Variants in MGST1 observed in about 807,000 individuals in gnomAD.
MGST1 encodes microsomal glutathione S-transferase 1.
Under a neutral mutation model 8.9 loss-of-function variants are expected in MGST1, and 5 were observed. That is an observed-to-expected ratio of 0.56 (90% CI 0.29 to 1.19). MGST1 has a LOEUF of 1.19. Ranked by LOEUF, MGST1 falls within the 50% of genes most tolerant of loss-of-function variation. MGST1 has a pLI of 0.08. For missense variants in MGST1, 182 were observed against 187.4 expected (o/e 0.97, Z 0.17); for synonymous variants, 54 against 67.8 (o/e 0.80, Z 1.00).
At chr12:16,516,316 TG>T in intron 4 of MGST1, among the ~76,000 whole-genome samples, 1 of 152,338 alleles carries the variant, frequency 6.6e-6, no homozygotes, top group South Asian at 2.1e-4. Context: ...GAAAGTAATA[TG>T]GAGTCATTAT....
Position 16,513,990 on chromosome 12 carries a change from G to A in MGST1, n.483-75538G>A, listed in dbSNP as rs1204119760. The A allele has an allele frequency of 4.4e-6, 2 of 450,674 alleles. No individual in the cohort carries two copies. The highest frequency in any genetic ancestry group is 4.9e-5 in the East Asian group (1 of 20,494). 27.9% of individuals were successfully genotyped at this position (450,674 alleles called of 1,614,324 possible). On this transcript the variant is annotated intron_variant and non_coding_transcript_variant, in intron 4 of 4. Coordinates refer to the MGST1 transcript ENST00000538857. The surrounding 1 kb of genome is among the most constrained non-coding windows in gnomAD (Gnocchi z 4.2). ...TGGAGGACATTTCAAAAACACCAGA[G>A]CAAAGTCTTCTTCTTCTGCATGCTT...
chr12:16,358,104 G>A (rs918470029), intron 3 of MGST1, among the ~76,000 whole-genome samples: 6 of 152,148 alleles, frequency 3.9e-5, no homozygotes, highest in African/African-American at 1.2e-4. Context: ...CACTCTGGAG[G>A]AGTAGGAACC....
rs1555104768 is a variant in MGST1, at chr12:16,454,902, A to AAAAAAAAAAAAAAAAAAAG, written n.482+71300_482+71301insAAAAAAAAAAAAAAAAGAA. ...AAAAAAAAAAAAAAAAAAAAAAAAA[A>AAAAAAAAAAAAAAAAAAAG]AAGGAGATGGGAAGATTTGAGGAGA... is the stretch of plus-strand genomic sequence containing the variant. On this transcript the variant is annotated intron_variant and non_coding_transcript_variant, in intron 4 of 4. Coordinates refer to the MGST1 transcript ENST00000538857. 4.0e-5 allele frequency among the ~76,000 whole-genome samples: 5 copies of AAAAAAAAAAAAAAAAAAAG among 125,996 alleles called. 1 individual carries two copies. Among genetic ancestry groups the AAAAAAAAAAAAAAAAAAAG allele is most frequent in the African/African-American group, 1.3e-4 (4 of 30,900 alleles). 82.7% of individuals were successfully genotyped at this position (125,996 alleles called of 152,430 possible). A position where few individuals can be genotyped will look rare whatever the true frequency, so the allele number is the denominator to read the frequency against.
rs1473263131 is a variant in MGST1 at position 16,584,342 on chromosome 12, TCCTTAAAGGAGAGG to T, written n.483-5184_483-5171del. On this transcript the variant is annotated intron_variant and non_coding_transcript_variant, in intron 4 of 4. Coordinates refer to the MGST1 transcript ENST00000538857. This position sits in a 1 kb window ranked among gnomAD's most constrained non-coding sequence, Gnocchi z 5.2. Reference sequence around the variant, plus strand: ...GTTGACAGCTGAAAGAAAAGTTGCCTCCTTAAAGGAGAGGCAAGTTTCAGGTAAGGCAACAGATG... The same window carrying T: ...GTTGACAGCTGAAAGAAAAGTTGCCTCAAGTTTCAGGTAAGGCAACAGATG... 6.6e-6 allele frequency among the ~76,000 whole-genome samples: 1 copy of T among 152,104 alleles called. No individual in the cohort carries two copies. The highest frequency in any genetic ancestry group is 1.5e-5 in the Non-Finnish European group (1 of 68,028).
intron 4 of MGST1, among the ~76,000 whole-genome samples, chr12:16,496,912 A>G (rs564505732): frequency 1.3e-5 from 2 of 152,292 alleles, no homozygotes; most frequent in South Asian, 4.1e-4. Context: ...AAGAAGTCCT[A>G]TAAGACCTTT....
intron 1 of MGST1, among the ~76,000 whole-genome samples, chr12:16,435,691 C>T (rs541109347): frequency 6.6e-6 from 1 of 151,782 alleles, no homozygotes; most frequent in Non-Finnish European, 1.5e-5. Flanking sequence ...AGCTATAATT[C>T]TAAAAGTTGT....
intron 1 of MGST1, among the ~76,000 whole-genome samples, chr12:16,412,188 T>C (rs1008172957): frequency 6.6e-6 from 1 of 152,202 alleles, no homozygotes; most frequent in African/African-American, 2.4e-5. Flanking sequence ...GTCAGAAGAC[T>C]TAGATTTGAA....
chr12:16,542,729 C>T (rs1941800071), intron 4 of MGST1, among the ~76,000 whole-genome samples: 1 of 152,202 alleles, frequency 6.6e-6, no homozygotes, highest in Admixed American at 6.5e-5. Flanking sequence ...TCAACATCCT[C>T]TCTTGTCTCT....
rs1027976738 is a variant in MGST1 at position 16,513,102 on chromosome 12, A to C, written n.483-76426A>C. Among the ~76,000 whole-genome samples, 6 of 152,202 alleles carry C rather than the reference A, an allele frequency of 3.9e-5. No homozygotes were observed. The highest frequency in any genetic ancestry group is 1.4e-4 in the African/African-American group (6 of 41,444). Reference sequence around the variant, plus strand: ...TCTAGTTATCATTATCAAACAAATCATTCTTTCATGTGTATATATACAGAT... The same window carrying C: ...TCTAGTTATCATTATCAAACAAATCCTTCTTTCATGTGTATATATACAGAT... On this transcript the variant is annotated intron_variant and non_coding_transcript_variant, in intron 4 of 4. Coordinates refer to the MGST1 transcript ENST00000538857. This position sits in a 1 kb window ranked among gnomAD's most constrained non-coding sequence, Gnocchi z 4.2.
At chr12:16,561,136 C>T (rs1341947669) in intron 4 of MGST1, among the ~76,000 whole-genome samples, 1 of 151,926 alleles carries the variant, frequency 6.6e-6, no homozygotes, top group Non-Finnish European at 1.5e-5. Flanking sequence ...TATAGCTAGA[C>T]CAGAAATTGA....
chr12:16,459,329 A>C (rs2137122767), intron 4 of MGST1, among the ~76,000 whole-genome samples: 1 of 152,144 alleles, frequency 6.6e-6, no homozygotes, highest in Middle Eastern at 3.4e-3. Context: ...CCTCTAAATG[A>C]CCTACGGCAT....
chr12:16,507,297 G>A (rs1262098981), intron 4 of MGST1, among the ~76,000 whole-genome samples: 1 of 152,114 alleles, frequency 6.6e-6, no homozygotes, highest in Non-Finnish European at 1.5e-5. Context: ...TGGTGGGGTG[G>A]AGAAATGGGT....
At chr12:16,483,030 T>C (rs1941375354) in intron 4 of MGST1, among the ~76,000 whole-genome samples, 1 of 152,220 alleles carries the variant, frequency 6.6e-6, no homozygotes, top group Non-Finnish European at 1.5e-5. Flanking sequence ...GATAGCTACA[T>C]AGCTTATTTA....
chr12:16,551,166 C>CA (rs1941975891), intron 4 of MGST1: 10 of 1,131,802 alleles, frequency 8.8e-6, no homozygotes, highest in Non-Finnish European at 1.3e-5. Flanking sequence ...ACATGTGGAG[C>CA]AAAAAAGATA....
At chr12:16,545,008 A>G (rs1354178505) in intron 4 of MGST1, among the ~76,000 whole-genome samples, 1 of 152,108 alleles carries the variant, frequency 6.6e-6, no homozygotes, top group Non-Finnish European at 1.5e-5. Flanking sequence ...TCTTAGAAAG[A>G]TATAAAACAA....
At chr12:16,476,242 A>G (rs1941322357) in intron 4 of MGST1, among the ~76,000 whole-genome samples, 1 of 152,214 alleles carries the variant, frequency 6.6e-6, no homozygotes, top group South Asian at 2.1e-4. Flanking sequence ...ATCAAACACT[A>G]AGCAGGAAAA....
At chr12:16,531,725 C>T (rs1941724871) in intron 4 of MGST1, among the ~76,000 whole-genome samples, 1 of 152,116 alleles carries the variant, frequency 6.6e-6, no homozygotes, top group Non-Finnish European at 1.5e-5. Context: ...TGTGCTGAAG[C>T]TGAGTGTGAC....
rs985698781 is a variant in MGST1 at position 16,347,680 on chromosome 12, G to C, written c.-53G>C. Reference sequence around the variant, plus strand: ...TTGCGCGCGACCCGGCGGCGGGACAGGCTTGCTGCTTCCTCCTCCTCGGCC... The same window carrying C: ...TTGCGCGCGACCCGGCGGCGGGACACGCTTGCTGCTTCCTCCTCCTCGGCC... On this transcript the variant is annotated 5_prime_UTR_variant, in exon 1 of 4. Transcript: ENST00000396210. This position sits in a 1 kb window ranked among gnomAD's most constrained non-coding sequence, Gnocchi z 4.0. 6.6e-6 allele frequency: 1 copy of C among 152,530 alleles called. No homozygotes were observed. The highest frequency in any genetic ancestry group is 2.4e-5 in the African/African-American group (1 of 41,448). The allele number at this position is 152,530 out of a possible 1,614,324, so 9.4% of individuals were successfully genotyped here.
At chr12:16,533,818 A>C (rs1371370908) in intron 4 of MGST1, among the ~76,000 whole-genome samples, 1 of 152,068 alleles carries the variant, frequency 6.6e-6, no homozygotes, top group East Asian at 1.9e-4. Flanking sequence ...TCGGGCTTGC[A>C]GGTTAGAGAA....
Sources: allele counts gnomAD v4.1 joint callset (sites outside exome capture counted in the v4.1 genomes callset), GRCh38; gene constraint gnomAD v4.1.1; non-coding constraint Gnocchi (gnomAD v3.1); transcripts MANE v1.5; gene names NCBI Gene and HGNC (gene_info 2026-07-23, HGNC 2026-07-21).